The following WRN variants were observed in gnomAD, a reference collection of about 807,000 sequenced individuals.
WRN encodes WRN RecQ like helicase.
WRN carries 149 observed loss-of-function variants against 180.7 expected under a neutral mutation model. The ratio of observed to expected loss-of-function variants is 0.82; its 90% CI spans 0.72 to 0.94. The LOEUF (loss-of-function observed/expected upper bound fraction) is 0.94, where lower values mean the gene tolerates loss of function less well. Ranked by LOEUF, WRN falls within the 40% of genes least tolerant of loss-of-function variation. WRN has a pLI of 0.00. For missense variants in WRN, 1,661 were observed against 1,700.1 expected, an observed-to-expected ratio of 0.98 and a Z score of 0.40; for synonymous variants, 548 against 568.9, an observed-to-expected ratio of 0.96 and a Z score of 0.52.
intron 20 of WRN, among the ~76,000 whole-genome samples, chr8:31,118,665 G>A (rs749525487): frequency 1.6e-4 from 24 of 151,996 alleles, no homozygotes; most frequent in Admixed American, 4.6e-4. Context: ...CTTACACTGA[G>A]TGATGTTTAG....
intron 16 of WRN, among the ~76,000 whole-genome samples, chr8:31,093,688 A>G (rs1338803166): frequency 3.9e-5 from 6 of 152,208 alleles, no homozygotes; most frequent in Non-Finnish European, 7.3e-5. Flanking sequence ...TGACACAGGT[A>G]TGCACTCATG....
chr8:31,091,912 T>C lies in WRN; in HGVS notation c.1898+14T>C, dbSNP rs1182430399. 6.2e-7 allele frequency: 1 copy of C among 1,611,934 alleles called. No homozygotes were observed. Among genetic ancestry groups the C allele is most frequent in the Non-Finnish European group, 8.5e-7 (1 of 1,178,544 alleles). The stretch of plus-strand genomic sequence containing the variant: ...AGATATTAAATTGTGAGTAATTTTT[T>C]TCCCTCAACTTTTATTTTGGATTTA... On this transcript the variant is annotated intron_variant, in intron 16 of 34. Transcript: ENST00000298139.
rs71208105 is a variant in WRN, at chr8:31,149,455, G to GTTTTTTT, written c.3573-856_3573-850dup. Among the ~76,000 whole-genome samples the GTTTTTTT allele has an allele frequency of 7.7e-5, 4 of 51,988 alleles. 1 individual carries two copies. The highest frequency in any genetic ancestry group is 2.3e-4 in the African/African-American group (3 of 13,022). 34.1% of individuals were successfully genotyped at this position (51,988 alleles called of 152,430 possible). ...TCTAAGACCATACTTTAATAGAGGT[G>GTTTTTTT]TTTTTTTTTTTTTTTTTTTTTTTTT... On this transcript the variant is annotated intron_variant, in intron 30 of 34. Transcript: ENST00000298139.
At chr8:31,038,417 G>GT (rs34018855) in intron 1 of WRN, among the ~76,000 whole-genome samples, 11 of 150,576 alleles carry the variant, frequency 7.3e-5, no homozygotes, top group Non-Finnish European at 1.2e-4. Flanking sequence ...TTTTAATTGA[G>GT]TTTTTTTTTC....
At chr8:31,149,621 C>T (rs951479861) in intron 30 of WRN, among the ~76,000 whole-genome samples, 14 of 150,434 alleles carry the variant, frequency 9.3e-5, no homozygotes, top group African/African-American at 2.9e-4. Flanking sequence ...ACTACAGGTG[C>T]GCGCTGCCAC....
At chr8:31,151,551 G>A (rs936759120) in intron 31 of WRN, among the ~76,000 whole-genome samples, 40 of 152,236 alleles carry the variant, frequency 2.6e-4, no homozygotes, top group Admixed American at 9.2e-4. Flanking sequence ...TGTCTTAATA[G>A]TTTGAGAAAG....
intron 23 of WRN, among the ~76,000 whole-genome samples, chr8:31,127,829 T>C (rs923490508): frequency 6.6e-6 from 1 of 151,820 alleles, no homozygotes; most frequent in African/African-American, 2.4e-5. Flanking sequence ...GAGGCTAAGG[T>C]GGAAAGATCG....
At chr8:31,080,170 C>T (rs989012569) in intron 8 of WRN, among the ~76,000 whole-genome samples, 4 of 152,266 alleles carry the variant, frequency 2.6e-5, no homozygotes, top group East Asian at 3.9e-4. Flanking sequence ...CATGAACCAC[C>T]GTGCCCGCCC....
rs1802687331 is a variant in WRN, at chr8:31,142,614, A to G, written c.3234-12A>G. The G allele has an allele frequency of 6.3e-7, 1 of 1,576,674 alleles. No individual in the cohort carries two copies. The highest frequency in any genetic ancestry group is 8.6e-7 in the Non-Finnish European group (1 of 1,157,982). ...TTAACATTTGAAATAATTTAATTTT[A>G]TTATTTTTTAGTTCGAAAACTGTAT... On this transcript the variant is annotated splice_polypyrimidine_tract_variant and intron_variant, in intron 26 of 34. Coordinates refer to ENST00000298139, the MANE Select transcript of WRN (RefSeq NM_000553.6).
intron 11 of WRN, 163 bp from the exon 12 acceptor site, chr8:31,087,613 C>G (rs1813581650): frequency 3.1e-6 from 2 of 646,438 alleles, no homozygotes; most frequent in Non-Finnish European, 5.3e-6. Flanking sequence ...TTCATGAGCA[C>G]ATATTTAAAC....
intron 18 of WRN, among the ~76,000 whole-genome samples, chr8:31,106,410 A>G (rs891605265): frequency 2.0e-5 from 3 of 152,070 alleles, no homozygotes; most frequent in South Asian, 2.1e-4. Context: ...AGTCCTTATG[A>G]TGAGTTACCG....
At position 31,105,034 on chromosome 8, in the gene WRN, G is replaced by A. The variant is rs188073464; in HGVS notation, c.2088+4079G>A. 4.8e-4 allele frequency among the ~76,000 whole-genome samples: 73 copies of A among 152,304 alleles called. No homozygotes were observed. In the East Asian group the frequency reaches 0.012, roughly 25 times the overall value. On this transcript the variant is annotated intron_variant, in intron 18 of 34. Transcript: ENST00000298139. Reference sequence around the variant, plus strand: ...TAATCTTGCTTATAGATAGCAAATTGAGAGGCATCTCAAAAATAGTATCTT... The same window carrying A: ...TAATCTTGCTTATAGATAGCAAATTAAGAGGCATCTCAAAAATAGTATCTT...
At chr8:31,160,853 A>G (rs1001881101) in intron 33 of WRN, among the ~76,000 whole-genome samples, 11 of 151,902 alleles carry the variant, frequency 7.2e-5, no homozygotes, top group South Asian at 4.2e-4. Flanking sequence ...GCTTGGTGGC[A>G]CACACCTGTA....
Position 31,175,323 on chromosome 8 carries a change from T to A in WRN, c.*2221T>A, listed in dbSNP as rs1475239039. ...GTTGGTGCGTGCCTATAATCCCAGC[T>A]ACTCGGGAGGCTGAGGCAGGAGAAT... On this transcript the variant is annotated 3_prime_UTR_variant, in exon 35 of 35. Transcript: ENST00000298139. Among the ~76,000 whole-genome samples the A allele has an allele frequency of 6.6e-6, 1 of 152,046 alleles. No homozygotes were observed. The highest frequency in any genetic ancestry group is 1.5e-5 in the Non-Finnish European group (1 of 67,982).
chr8:31,085,302 T>C, intron 11 of WRN, 56 bp downstream of exon 11: 1 of 1,588,216 alleles, frequency 6.3e-7, no homozygotes. Flanking sequence ...GACATTTAAT[T>C]AAGTAAAATA....
intron 1 of WRN, among the ~76,000 whole-genome samples, chr8:31,055,598 T>G (rs1399589900): frequency 6.6e-6 from 1 of 152,132 alleles, no homozygotes; most frequent in Non-Finnish European, 1.5e-5. Flanking sequence ...TGCCTACTTT[T>G]TAATGGGATT....
chr8:31,091,752 T>A (rs988388789), intron 15 of WRN, 78 bp from the exon 16 acceptor site: 4 of 1,313,548 alleles, frequency 3.0e-6, no homozygotes, highest in Non-Finnish European at 4.4e-6. Flanking sequence ...TATATTTCTT[T>A]ATTCTTTCTC....
chr8:31,149,357 A>G (rs1328727051), intron 30 of WRN, among the ~76,000 whole-genome samples: 1 of 149,672 alleles, frequency 6.7e-6, no homozygotes, highest in African/African-American at 2.5e-5. Flanking sequence ...AGATCGCGCC[A>G]CTGCACTCCA....
chr8:31,153,874 A>T (rs1438107782), intron 31 of WRN, among the ~76,000 whole-genome samples: 3 of 152,162 alleles, frequency 2.0e-5, no homozygotes, highest in Non-Finnish European at 2.9e-5. Context: ...CACATGATAA[A>T]TAACCTATAA....
Sources: gnomAD v4.1 joint callset for allele counts (sites outside exome capture counted in the v4.1 genomes callset) on GRCh38, gnomAD v4.1.1 for gene constraint, MANE v1.5 for transcripts, NCBI Gene and HGNC (gene_info 2026-07-23, HGNC 2026-07-21) for gene names.